Variants in LRRC31 observed in about 807,000 individuals in gnomAD.
LRRC31 encodes leucine rich repeat containing 31.
Under a neutral mutation model 46.7 loss-of-function variants are expected in LRRC31, and 35 were observed. That is an observed-to-expected ratio of 0.75 (90% CI 0.57 to 0.99). The LOEUF is 0.99. Ranked by LOEUF, LRRC31 falls within the 50% of genes least tolerant of loss-of-function variation. The pLI is 0.00. For missense variants in LRRC31, 613 were observed against 626.1 expected (o/e 0.98, Z 0.22); for synonymous variants, 236 against 235.1 (o/e 1.00, Z -0.03).
chr3:169,845,140 A>G (rs1266154809), intron 8 of LRRC31, among the ~76,000 whole-genome samples: 3 of 152,178 alleles, frequency 2.0e-5, no homozygotes, highest in Non-Finnish European at 2.9e-5. Flanking sequence ...TTTATAAGAG[A>G]ACAAAAATTA....
At position 169,856,354 on chromosome 3, in the gene LRRC31, T is replaced by C; in HGVS notation, c.805A>G (p.Lys269Glu). 6.3e-7 allele frequency: 1 copy of C among 1,586,652 alleles called. No homozygotes were observed. Among genetic ancestry groups the C allele is most frequent in the Non-Finnish European group, 8.6e-7 (1 of 1,166,566 alleles). ...LKLHSCGLSQ[K>E]SVKILDAAFR... is the part of the protein sequence containing the mutation. ...AACTCACCCAATATTTTGACACTCT[T>C]TTGTGATAATCCACATGAATGTAAC... The change falls in exon 5 of 9, where the codon AAG (lysine) becomes GAG (glutamate). Residue 269 changes from lysine to glutamate, a missense_variant. Physicochemically the swap from Lys to Glu is moderately conservative, Grantham distance 56. Coordinates refer to ENST00000316428, the MANE Select transcript of LRRC31 (RefSeq NM_024727.4).
chr3:169,851,434 C>G (rs562182032), intron 7 of LRRC31, among the ~76,000 whole-genome samples, 185 bp downstream of exon 7: 3 of 151,966 alleles, frequency 2.0e-5, no homozygotes, highest in African/African-American at 4.8e-5. Context: ...CAAAAAAAAC[C>G]CTGCACATAC....
intron 6 of LRRC31, chr3:169,853,533 T>C (rs1780852612): frequency 7.1e-6 from 7 of 985,846 alleles, no homozygotes; most frequent in Non-Finnish European, 8.4e-6. Context: ...ATTCATGTTA[T>C]TTAGTTGTAC....
chr3:169,841,639 G>A (rs1780451604), intron 8 of LRRC31, among the ~76,000 whole-genome samples: 2 of 152,196 alleles, frequency 1.3e-5, no homozygotes, highest in South Asian at 4.1e-4. Context: ...ACAAAAAGTA[G>A]AGAGAATAGG....
At chr3:169,860,468 T>C in intron 3 of LRRC31, 93 bp downstream of exon 3, 1 of 1,302,880 alleles carries the variant, frequency 7.7e-7, no homozygotes, top group Non-Finnish European at 1.1e-6. Context: ...GCTCAGGCAA[T>C]CCGCCAGCCT....
chr3:169,849,260 T>G (rs1780687992), intron 7 of LRRC31, among the ~76,000 whole-genome samples: 1 of 152,184 alleles, frequency 6.6e-6, no homozygotes, highest in Non-Finnish European at 1.5e-5. Context: ...AGATCTACAT[T>G]AAGGAGAAAT....
intron 8 of LRRC31, among the ~76,000 whole-genome samples, chr3:169,846,249 C>A (rs1780600910): frequency 6.6e-6 from 1 of 152,196 alleles, no homozygotes; most frequent in Non-Finnish European, 1.5e-5. Flanking sequence ...TGTCAGGAAA[C>A]AATCTGAGTA....
rs930956975 is a variant in LRRC31 at position 169,856,943 on chromosome 3, C to T, written c.488-71G>A. The stretch of plus-strand genomic sequence containing the variant: ...AGCAGGGAATTCATTTCAGAATCAG[C>T]ACAACCATGATTAATGGAGTGTGGA... On this transcript the variant is annotated intron_variant, in intron 3 of 8. Transcript: ENST00000316428. 67 of 1,450,550 alleles carry T rather than the reference C, an allele frequency of 4.6e-5. 1 individual carries two copies. The African/African-American group carries it at 8.6e-4, about 19-fold the overall frequency. 89.9% of individuals were successfully genotyped at this position (1,450,550 alleles called of 1,614,324 possible). A position where few individuals can be genotyped will look rare whatever the true frequency, so the allele number is the denominator to read the frequency against.
intron 8 of LRRC31, among the ~76,000 whole-genome samples, chr3:169,845,373 A>C (rs912901292): frequency 7.2e-5 from 11 of 152,202 alleles, no homozygotes; most frequent in Admixed American, 7.2e-4. Context: ...GCTAGCTTTA[A>C]ATGGAAATGC....
Position 169,853,580 on chromosome 3 carries a change from T to C in LRRC31, c.991+1233A>G, listed in dbSNP as rs1054356617. The C allele has an allele frequency of 4.4e-5, 43 of 985,852 alleles. 1 individual carries two copies. In the South Asian group the frequency reaches 1.8e-3, roughly 42 times the overall value. 61.1% of individuals were successfully genotyped at this position (985,852 alleles called of 1,614,324 possible). On this transcript the variant is annotated intron_variant, in intron 6 of 8. Coordinates refer to ENST00000316428, the MANE Select transcript of LRRC31 (RefSeq NM_024727.4). Reference sequence around the variant, plus strand: ...GGTGGGCTAATAACTCTGAATGTCTTCCTAGGTATGACGCTCAGGCTATGA... The same window carrying C: ...GGTGGGCTAATAACTCTGAATGTCTCCCTAGGTATGACGCTCAGGCTATGA...
intron 7 of LRRC31, among the ~76,000 whole-genome samples, chr3:169,851,416 A>C (rs1780761737): frequency 6.6e-6 from 1 of 151,792 alleles, no homozygotes; most frequent in Admixed American, 6.6e-5. Context: ...AAATACAAAC[A>C]ACAACAACAA....
rs772669943 is a variant in LRRC31 at position 169,856,713 on chromosome 3, G to A, written c.647C>T (p.Thr216Ile). The A allele has an allele frequency of 6.4e-7, 1 of 1,563,662 alleles. No homozygotes were observed. Among genetic ancestry groups the A allele is most frequent in the East Asian group, 2.3e-5 (1 of 43,304 alleles). ...VDCSLTSEDG[T>I]FLGQLLPMLQ... ...CTTCAAATTCCACTTACCCAGAAATGTCCCATCTTCTGACGTGAGGGAGCA... is the reference window on the plus strand; with the variant it reads ...CTTCAAATTCCACTTACCCAGAAATATCCCATCTTCTGACGTGAGGGAGCA... Residue 216 changes from threonine to isoleucine, a missense_variant, in exon 4 of 9, where the codon ACA (threonine) becomes ATA (isoleucine). Physicochemically the swap from Thr to Ile is moderately conservative, Grantham distance 89. Coordinates refer to ENST00000316428, the MANE Select transcript of LRRC31 (RefSeq NM_024727.4).
intron 3 of LRRC31, among the ~76,000 whole-genome samples, chr3:169,857,865 C>T (rs139013696): frequency 1.6e-4 from 25 of 152,076 alleles, no homozygotes; most frequent in African/African-American, 5.5e-4. Flanking sequence ...ATGCGTATTC[C>T]CCAGGAGTTA....
intron 8 of LRRC31, 71 bp downstream of exon 8, chr3:169,848,049 C>G: frequency 1.3e-6 from 2 of 1,491,012 alleles, no homozygotes; most frequent in Non-Finnish European, 1.8e-6. Flanking sequence ...CACCTCCCCA[C>G]CTGGTGCTTT....
intron 3 of LRRC31, among the ~76,000 whole-genome samples, chr3:169,858,316 G>A (rs989291469): frequency 3.3e-5 from 5 of 152,184 alleles, no homozygotes; most frequent in African/African-American, 1.2e-4. Flanking sequence ...GTTTGGAACA[G>A]GTCCCAGGGC....
At chr3:169,855,116 T>C in intron 5 of LRRC31, 136 bp from the exon 6 acceptor site, 1 of 633,594 alleles carries the variant, frequency 1.6e-6, no homozygotes, top group Non-Finnish European at 2.6e-6. Context: ...CATAGTGAGA[T>C]CCATCTCTTA....
At chr3:169,857,415 C>CATATATAT (rs1553924970) in intron 3 of LRRC31, among the ~76,000 whole-genome samples, 2 of 98,674 alleles carry the variant, frequency 2.0e-5, no homozygotes, top group African/African-American at 7.3e-5. Flanking sequence ...TATACATATA[C>CATATATAT]ATATATATAT....
intron 1 of LRRC31, among the ~76,000 whole-genome samples, chr3:169,864,655 A>C (rs1390813062): frequency 6.6e-6 from 1 of 152,266 alleles, no homozygotes; most frequent in African/African-American, 2.4e-5. Context: ...TTGGTTTTAC[A>C]GTTCCTCAAT....
intron 8 of LRRC31, among the ~76,000 whole-genome samples, chr3:169,845,178 A>G (rs1308696572): frequency 1.3e-5 from 2 of 152,186 alleles, no homozygotes; most frequent in African/African-American, 4.8e-5. Flanking sequence ...TTAACAAAAT[A>G]TAAAAACTAG....
Sources: gnomAD v4.1 joint callset for allele counts (sites outside exome capture counted in the v4.1 genomes callset) on GRCh38, gnomAD v4.1.1 for gene constraint, MANE v1.5 for transcripts, NCBI Gene and HGNC (gene_info 2026-07-23, HGNC 2026-07-21) for gene names.